Variants in IFT80 observed in about 807,000 individuals in gnomAD.
IFT80 encodes the protein intraflagellar transport protein 80 homolog.
IFT80 carries 79 observed loss-of-function variants against 107.9 expected under a neutral mutation model. The observed-to-expected ratio is 0.73, with a 90% CI of 0.61 to 0.88. IFT80 has a LOEUF of 0.88. Ranked by LOEUF, IFT80 falls within the 40% of genes least tolerant of loss-of-function variation. The pLI is 0.00. For missense variants in IFT80, 797 were observed against 914.2 expected, an observed-to-expected ratio of 0.87 and a Z score of 1.65; for synonymous variants, 299 against 300.9, an observed-to-expected ratio of 0.99 and a Z score of 0.07.
At chr3:160,260,055 A>G (rs1038542577) in intron 19 of IFT80, among the ~76,000 whole-genome samples, 5 of 152,206 alleles carry the variant, frequency 3.3e-5, no homozygotes, top group African/African-American at 1.2e-4. Flanking sequence ...GCTGGAGGTT[A>G]AAGAAATTAA....
chr3:160,318,436 T>G (rs1403393648), intron 9 of IFT80, among the ~76,000 whole-genome samples: 1 of 152,050 alleles, frequency 6.6e-6, no homozygotes, highest in East Asian at 1.9e-4. Context: ...GCAAAAGGAA[T>G]AAGAGGAAGG....
chr3:160,311,888 C>G (rs1004368092), intron 9 of IFT80, among the ~76,000 whole-genome samples: 6 of 152,150 alleles, frequency 3.9e-5, no homozygotes, highest in African/African-American at 1.4e-4. Flanking sequence ...AGCTGGGGCT[C>G]TTCCGCCTCA....
chr3:160,258,399 A>G lies in IFT80; in HGVS notation c.*126T>C, dbSNP rs1712525272. The G allele has an allele frequency of 8.8e-7, 1 of 1,138,066 alleles. No individual in the cohort carries two copies. The allele number at this position is 1,138,066 out of a possible 1,614,324, so 70.5% of individuals were successfully genotyped here. On this transcript the variant is annotated 3_prime_UTR_variant, in exon 20 of 20. Transcript: ENST00000326448. The stretch of plus-strand genomic sequence containing the variant: ...CTTTCTGCATGTACTTTTACACTAA[A>G]TACACAGCAAGTACTTATACTCGGT...
At chr3:160,379,179 A>G (rs1050259487) in intron 3 of IFT80, among the ~76,000 whole-genome samples, 1 of 152,184 alleles carries the variant, frequency 6.6e-6, no homozygotes, top group African/African-American at 2.4e-5. Flanking sequence ...AATTGAATCT[A>G]ATCATGAGGA....
chr3:160,312,785 AATAT>A (rs370286821), intron 9 of IFT80, among the ~76,000 whole-genome samples: 2 of 27,888 alleles, frequency 7.2e-5, no homozygotes, highest in East Asian at 2.7e-3. Context: ...ATAAATATAT[AATAT>A]ATATATAATA....
intron 6 of IFT80, among the ~76,000 whole-genome samples, chr3:160,364,409 G>A (rs1721713562): frequency 6.6e-6 from 1 of 152,206 alleles, no homozygotes; most frequent in South Asian, 2.1e-4. Flanking sequence ...TGGTGGGAGT[G>A]TAAACTAGTT....
intron 8 of IFT80, among the ~76,000 whole-genome samples, chr3:160,346,383 T>G (rs572000658): frequency 1.2e-4 from 18 of 152,318 alleles, no homozygotes; most frequent in South Asian, 6.2e-4. Flanking sequence ...ACAATTATTA[T>G]TTGTCAATTA....
intron 19 of IFT80, among the ~76,000 whole-genome samples, chr3:160,260,407 TC>T (rs1252996038): frequency 2.6e-5 from 4 of 152,208 alleles, no homozygotes; most frequent in African/African-American, 9.6e-5. Context: ...TTGGGTTTCT[TC>T]CAGCCTTAAA....
chr3:160,281,392 T>G (rs889962515), intron 14 of IFT80, among the ~76,000 whole-genome samples: 9 of 152,106 alleles, frequency 5.9e-5, no homozygotes, highest in Admixed American at 2.0e-4. Flanking sequence ...CCCCATAGAA[T>G]TGGGGTCTTG....
At chr3:160,372,836 G>A (rs903436536) in intron 5 of IFT80, among the ~76,000 whole-genome samples, 5 of 152,144 alleles carry the variant, frequency 3.3e-5, no homozygotes. Context: ...AAAATCAACT[G>A]TATTATATGG....
chr3:160,325,259 T>G (rs1191292936), intron 8 of IFT80, among the ~76,000 whole-genome samples: 2 of 152,102 alleles, frequency 1.3e-5, no homozygotes, highest in Non-Finnish European at 2.9e-5. Flanking sequence ...ATGACTTTCT[T>G]CACAGAATTG....
chr3:160,295,493 A>G (rs576121407), intron 12 of IFT80, among the ~76,000 whole-genome samples: 279 of 152,150 alleles, frequency 1.8e-3, no homozygotes, highest in Non-Finnish European at 3.3e-3. Flanking sequence ...CCTGTAGCCC[A>G]GATACTTGGA....
chr3:160,327,195 A>G (rs1434216008), intron 8 of IFT80, among the ~76,000 whole-genome samples: 1 of 152,192 alleles, frequency 6.6e-6, no homozygotes, highest in Non-Finnish European at 1.5e-5. Flanking sequence ...CAAATGGAAA[A>G]ACATTCCATG....
chr3:160,308,859 T>C (rs1717019701), intron 9 of IFT80, among the ~76,000 whole-genome samples: 1 of 152,194 alleles, frequency 6.6e-6, no homozygotes. Context: ...TTGTGAGCCC[T>C]TATGAATGGG....
intron 8 of IFT80, chr3:160,343,873 T>C: frequency 4.1e-6 from 1 of 244,124 alleles, no homozygotes; most frequent in Non-Finnish European, 8.4e-6. Context: ...CTAGGGCAAG[T>C]ACCTGGCATC....
intron 13 of IFT80, 147 bp from the exon 14 acceptor site, chr3:160,282,760 T>C (rs991179172): frequency 1.4e-5 from 9 of 632,992 alleles, no homozygotes; most frequent in Admixed American, 3.0e-5. Flanking sequence ...TAAATAATTT[T>C]AAACTGCCAA....
At chr3:160,357,137 T>C (rs1416947989) in intron 7 of IFT80, among the ~76,000 whole-genome samples, 4 of 152,158 alleles carry the variant, frequency 2.6e-5, no homozygotes, top group African/African-American at 7.2e-5. Context: ...TCTCACTTTG[T>C]TGCTCAGGCT....
intron 5 of IFT80, 91 bp from the exon 6 acceptor site, chr3:160,366,243 CAT>C: frequency 1.1e-6 from 1 of 889,574 alleles, no homozygotes; most frequent in Non-Finnish European, 1.8e-6. Flanking sequence ...TCAAAAAAGC[CAT>C]ATGAGGTGTC....
intron 8 of IFT80, among the ~76,000 whole-genome samples, chr3:160,329,518 T>C (rs869467): frequency 0.39 from 59,676 of 151,776 alleles, 12,764 homozygotes; most frequent in Non-Finnish European, 0.49. Context: ...CTTTCACCAC[T>C]CTCCAGAGGC....
Sources: allele counts gnomAD v4.1 joint callset (sites outside exome capture counted in the v4.1 genomes callset), GRCh38; gene constraint gnomAD v4.1.1; transcripts MANE v1.5; gene names NCBI Gene and HGNC (gene_info 2026-07-23, HGNC 2026-07-21).